REV3L: variants seen among roughly 807,000 people sequenced by gnomAD.
REV3L encodes REV3 like, DNA directed polymerase zeta catalytic subunit, also known as DNA polymerase zeta catalytic subunit.
Under a neutral mutation model 299.4 loss-of-function variants are expected in REV3L, and 69 were observed. That is an observed-to-expected ratio of 0.23 (90% CI 0.19 to 0.28). The LOEUF is 0.28. Ranked by LOEUF, REV3L falls within the 10% of genes least tolerant of loss-of-function variation. REV3L has a pLI of 1.00. For synonymous variants in REV3L, 1,238 were observed against 1,271.4 expected, an observed-to-expected ratio of 0.97 and a Z score of 0.56; for missense variants, 3,128 against 3,693.8, an observed-to-expected ratio of 0.85 and a Z score of 3.97.
intron 1 of REV3L, among the ~76,000 whole-genome samples, chr6:111,440,055 T>C (rs1309790398): frequency 6.6e-6 from 1 of 151,770 alleles, no homozygotes; most frequent in African/African-American, 2.4e-5. Flanking sequence ...GTTCACTGAA[T>C]CCTGAAGCAC....
chr6:111,380,294 C>G (rs1780700847), intron 10 of REV3L, 75 bp from the exon 11 acceptor site: 1 of 1,104,904 alleles, frequency 9.1e-7, no homozygotes, highest in Admixed American at 2.0e-5. Context: ...TGCTCTCTCA[C>G]CCAGGCTGGA....
chr6:111,317,419 C>T (rs918021680), intron 26 of REV3L, among the ~76,000 whole-genome samples: 15 of 152,308 alleles, frequency 9.8e-5, no homozygotes, highest in South Asian at 2.1e-4. Context: ...GGCTATACTT[C>T]GAACCATCTG....
At chr6:111,382,371 T>C (rs1463575410) in intron 9 of REV3L, among the ~76,000 whole-genome samples, 1 of 152,184 alleles carries the variant, frequency 6.6e-6, no homozygotes, top group African/African-American at 2.4e-5. Context: ...GCAGTGGTCT[T>C]GAGGCACGGA....
At chr6:111,381,565 A>G in intron 9 of REV3L, 121 bp from the exon 10 acceptor site, 2 of 742,746 alleles carry the variant, frequency 2.7e-6, no homozygotes, top group Non-Finnish European at 4.3e-6. Flanking sequence ...TCAAAATGTT[A>G]ATGATGCATG....
intron 4 of REV3L, among the ~76,000 whole-genome samples, chr6:111,394,677 G>A (rs1782291419): frequency 1.3e-5 from 2 of 150,802 alleles, no homozygotes; most frequent in African/African-American, 4.9e-5. Flanking sequence ...TTTTTTCCCA[G>A]ACCAATGTCC....
chr6:111,377,055 T>C (rs1467527235), intron 12 of REV3L, among the ~76,000 whole-genome samples: 1 of 152,216 alleles, frequency 6.6e-6, no homozygotes, highest in Non-Finnish European at 1.5e-5. Context: ...CATAAAATAA[T>C]ATGCTTTACA....
At position 111,365,194 on chromosome 6, in the gene REV3L, A is replaced by C. The variant is rs1487109587; in HGVS notation, c.6753+71T>G. On this transcript the variant is annotated intron_variant, in intron 15 of 31. Coordinates refer to ENST00000368802, the MANE Select transcript of REV3L (RefSeq NM_001372078.1). ...ATTTTTTAATTGAGACAAAGTTAAC[A>C]ATTATCTAACTGAAATCTAGGAAAA... is the stretch of plus-strand genomic sequence containing the variant. The C allele has an allele frequency of 2.7e-5, 27 of 987,516 alleles. No individual in the cohort carries two copies. The East Asian group carries it at 7.9e-4, about 29-fold the overall frequency. The allele number at this position is 987,516 out of a possible 1,614,324, so 61.2% of individuals were successfully genotyped here.
chr6:111,419,409 C>T (rs2128287062), intron 1 of REV3L, among the ~76,000 whole-genome samples: 1 of 151,458 alleles, frequency 6.6e-6, no homozygotes, highest in East Asian at 2.1e-4. Flanking sequence ...CTTTTATTAC[C>T]ATAAAATTTG....
intron 1 of REV3L, among the ~76,000 whole-genome samples, chr6:111,448,913 C>A (rs1383698516): frequency 6.7e-6 from 1 of 148,584 alleles, no homozygotes; most frequent in African/African-American, 2.5e-5. Flanking sequence ...TCTTCCTGCC[C>A]CGGCCTCCCA....
intron 11 of REV3L, among the ~76,000 whole-genome samples, chr6:111,378,110 T>TA (rs1432557013): frequency 1.3e-5 from 2 of 152,276 alleles, no homozygotes; most frequent in South Asian, 4.1e-4. Context: ...TCATGTGAGC[T>TA]AAAATACACC....
At chr6:111,415,696 C>T (rs1784685543) in intron 2 of REV3L, among the ~76,000 whole-genome samples, 1 of 152,092 alleles carries the variant, frequency 6.6e-6, no homozygotes, top group Non-Finnish European at 1.5e-5. Flanking sequence ...GCTGTTCCTA[C>T]TCCCTTACCT....
rs775428277 is a variant in REV3L at position 111,411,566 on chromosome 6, G to GA, written c.330-13dup. ...AACCATAAAAAGGCCTGAAATATAA[G>GA]AAAAAAAATTTCAAATTATTTTCAT... On this transcript the variant is annotated splice_polypyrimidine_tract_variant and intron_variant, in intron 2 of 31. Coordinates refer to ENST00000368802, the MANE Select transcript of REV3L (RefSeq NM_001372078.1). 1.7e-5 allele frequency: 25 copies of GA among 1,477,022 alleles called. No individual in the cohort carries two copies. The highest frequency in any genetic ancestry group is 5.9e-5 in the Admixed American group (3 of 50,850). The allele number at this position is 1,477,022 out of a possible 1,614,324, so 91.5% of individuals were successfully genotyped here.
chr6:111,322,705 AT>A (rs1422777499), intron 25 of REV3L, 27 bp from the exon 26 acceptor site: 4 of 1,513,102 alleles, frequency 2.6e-6, no homozygotes, highest in Non-Finnish European at 3.7e-6. Context: ...ATTGGAAATA[AT>A]TTCTTAACAT....
intron 1 of REV3L, among the ~76,000 whole-genome samples, chr6:111,478,068 G>A (rs539093565): frequency 1.2e-4 from 18 of 152,224 alleles, no homozygotes; most frequent in Non-Finnish European, 2.1e-4. Context: ...GCCCTGCAAA[G>A]AGCAGTTGTC....
chr6:111,446,063 G>T (rs929319719), intron 1 of REV3L, among the ~76,000 whole-genome samples: 12 of 152,312 alleles, frequency 7.9e-5, no homozygotes, highest in South Asian at 2.1e-4. Flanking sequence ...GGATTCAAAT[G>T]ATTTTGTGCT....
chr6:111,348,552 A>G (rs1282064252), intron 20 of REV3L, among the ~76,000 whole-genome samples: 2 of 152,196 alleles, frequency 1.3e-5, no homozygotes, highest in African/African-American at 4.8e-5. Context: ...ACTATAATAA[A>G]TCAACAAGGC....
rs1368111279 is a variant in REV3L, at chr6:111,299,804, G to GTGAC, written c.*208_*211dup. On this transcript the variant is annotated 3_prime_UTR_variant, in exon 32 of 32. Transcript: ENST00000368802. ...TGCATTATAAAACAATGTTTAAAAG[G>GTGAC]TGACAGAATGAGGAATTTGTACATT... The GTGAC allele has an allele frequency of 1.0e-5, 4 of 386,524 alleles. No individual in the cohort carries two copies. The highest frequency in any genetic ancestry group is 4.2e-5 in the African/African-American group (2 of 47,798). 23.9% of individuals were successfully genotyped at this position (386,524 alleles called of 1,614,324 possible).
At chr6:111,328,189 GGTT>G (rs1344903889) in intron 25 of REV3L, among the ~76,000 whole-genome samples, 1 of 152,146 alleles carries the variant, frequency 6.6e-6, no homozygotes, top group Non-Finnish European at 1.5e-5. Flanking sequence ...TTGCAAAAAA[GGTT>G]GTGCTTTATA....
At chr6:111,391,025 G>A (rs1463108081) in intron 5 of REV3L, among the ~76,000 whole-genome samples, 12 of 151,274 alleles carry the variant, frequency 7.9e-5, no homozygotes, top group Admixed American at 5.9e-4. Context: ...CAAAGTGGTT[G>A]ATGACATATT....
Sources: allele counts gnomAD v4.1 joint callset (sites outside exome capture counted in the v4.1 genomes callset), GRCh38; gene constraint gnomAD v4.1.1; transcripts MANE v1.5; gene names NCBI Gene and HGNC (gene_info 2026-07-23, HGNC 2026-07-21).